Variants in PTPRD observed in about 807,000 individuals in gnomAD.
The protein encoded by PTPRD is receptor-type tyrosine-protein phosphatase delta.
PTPRD carries 34 observed loss-of-function variants against 214.5 expected under a neutral mutation model. The ratio of observed to expected loss-of-function variants is 0.16; its 90% CI spans 0.12 to 0.21. The LOEUF (loss-of-function observed/expected upper bound fraction) is 0.21. Ranked by LOEUF, PTPRD falls within the 10% of genes least tolerant of loss-of-function variation. The pLI, the probability that PTPRD is intolerant of heterozygous loss-of-function variation, is 1.00. For synonymous variants in PTPRD, 1,128 were observed against 845.7 expected (o/e 1.33, Z -5.79); for missense variants, 2,545 against 2,398.7 (o/e 1.06, Z -1.27).
chr9:8,435,603 T>G (rs995176288), intron 35 of PTPRD, among the ~76,000 whole-genome samples: 2 of 152,162 alleles, frequency 1.3e-5, no homozygotes, highest in African/African-American at 4.8e-5. Flanking sequence ...TTATCAACAA[T>G]GCATTAATTG....
At chr9:9,619,486 T>C (rs1339848662) in intron 7 of PTPRD, among the ~76,000 whole-genome samples, 1 of 147,542 alleles carries the variant, frequency 6.8e-6, no homozygotes, top group East Asian at 2.0e-4. Context: ...ATATTCTATA[T>C]AATCTATATA....
At chr9:8,857,498 CG>C (rs1354138193) in intron 11 of PTPRD, 2 of 152,316 alleles carry the variant, frequency 1.3e-5, no homozygotes, top group African/African-American at 4.8e-5. Context: ...CTCCGGTGCC[CG>C]GGCGCCGGGC....
intron 34 of PTPRD, among the ~76,000 whole-genome samples, chr9:8,446,010 CAG>C (rs1286524522): frequency 2.6e-5 from 4 of 152,162 alleles, no homozygotes; most frequent in African/African-American, 7.2e-5. Context: ...TCAGCAGTGT[CAG>C]AGAGTGACTT....
intron 7 of PTPRD, among the ~76,000 whole-genome samples, chr9:9,645,399 A>G (rs934292172): frequency 6.6e-5 from 10 of 151,636 alleles, no homozygotes; most frequent in East Asian, 1.9e-4. Flanking sequence ...GAAGACTAAT[A>G]TAAGTGTTGA....
chr9:8,763,918 C>A (rs138508477), intron 11 of PTPRD, among the ~76,000 whole-genome samples: 1 of 152,126 alleles, frequency 6.6e-6, no homozygotes, highest in Non-Finnish European at 1.5e-5. Flanking sequence ...AAATTCAAGA[C>A]AAGACTGAAC....
At position 10,406,207 on chromosome 9, in the gene PTPRD, T is replaced by C. The variant is rs1230676941; in HGVS notation, c.-599-65190A>G. Among the ~76,000 whole-genome samples the C allele has an allele frequency of 2.0e-5, 3 of 151,504 alleles. No homozygotes were observed. In the Admixed American group the frequency reaches 2.0e-4, roughly 10 times the overall value. The stretch of plus-strand genomic sequence containing the variant: ...AGAAATAAGGATGATATTTGTTATT[T>C]ATATATGATAGTTATAATTTCAGCA... On this transcript the variant is annotated intron_variant, in intron 2 of 45. Transcript: ENST00000381196.
In PTPRD at chr9:8,867,793, G is replaced by GAC. The variant is rs879402794; in HGVS notation, c.-103-133848_-103-133847insGT. Among the ~76,000 whole-genome samples the GAC allele has an allele frequency of 9.2e-3, 1,399 of 152,180 alleles. 25 individuals carry two copies. The highest frequency in any genetic ancestry group is 0.032 in the African/African-American group (1,321 of 41,512). On this transcript the variant is annotated intron_variant, in intron 11 of 45. Coordinates refer to ENST00000381196, the MANE Select transcript of PTPRD (RefSeq NM_002839.4). ...TTTTCTTTCTATGCTTCTGCCATAG[G>GAC]CCAACCTTGTAAAATCTTTATGGAA...
chr9:8,736,579 C>G (rs1436481273), intron 11 of PTPRD, among the ~76,000 whole-genome samples: 1 of 152,034 alleles, frequency 6.6e-6, no homozygotes, highest in African/African-American at 2.4e-5. Flanking sequence ...TCAGCTTAAG[C>G]ATGAGAACAA....
At chr9:9,579,736 T>C (rs2090150376) in intron 7 of PTPRD, among the ~76,000 whole-genome samples, 1 of 152,162 alleles carries the variant, frequency 6.6e-6, no homozygotes, top group Non-Finnish European at 1.5e-5. Context: ...GGGGTATAAG[T>C]ATAATTTGGT....
intron 9 of PTPRD, among the ~76,000 whole-genome samples, chr9:9,376,577 T>A (rs1468761351): frequency 6.6e-6 from 1 of 152,128 alleles, no homozygotes; most frequent in East Asian, 1.9e-4. Context: ...GAAATTGACA[T>A]TTAATAAAGT....
intron 10 of PTPRD, among the ~76,000 whole-genome samples, chr9:9,166,542 C>T (rs2099904410): frequency 6.6e-6 from 1 of 152,158 alleles, no homozygotes; most frequent in Non-Finnish European, 1.5e-5. Flanking sequence ...GCTTATGAAT[C>T]CATCATCCCT....
chr9:9,759,854 G>A (rs2098635852), intron 6 of PTPRD, among the ~76,000 whole-genome samples: 1 of 152,142 alleles, frequency 6.6e-6, no homozygotes, highest in Admixed American at 6.5e-5. Flanking sequence ...ACTGTGCCCG[G>A]CCAAGGTCTG....
intron 7 of PTPRD, among the ~76,000 whole-genome samples, chr9:9,732,304 A>G (rs187271370): frequency 3.3e-5 from 5 of 151,906 alleles, no homozygotes; most frequent in African/African-American, 2.4e-5. Context: ...CAAACTAGGG[A>G]AAAAAAACTC....
chr9:8,771,877 C>G (rs1009355053), intron 11 of PTPRD, among the ~76,000 whole-genome samples: 2 of 151,072 alleles, frequency 1.3e-5, no homozygotes, highest in Admixed American at 6.6e-5. Flanking sequence ...TATAAAAAAG[C>G]CCAACGCAGT....
chr9:9,341,875 C>G (rs2046940698), intron 9 of PTPRD, among the ~76,000 whole-genome samples: 1 of 152,102 alleles, frequency 6.6e-6, no homozygotes, highest in Non-Finnish European at 1.5e-5. Flanking sequence ...GTGTCGCAAT[C>G]TCGACTCACA....
At chr9:8,702,029 T>G (rs189003615) in intron 12 of PTPRD, among the ~76,000 whole-genome samples, 1 of 152,306 alleles carries the variant, frequency 6.6e-6, no homozygotes, top group African/African-American at 2.4e-5. Flanking sequence ...TAGAAGGCCT[T>G]GGCAGACCAC....
At chr9:10,296,103 C>A (rs1259849147) in intron 3 of PTPRD, among the ~76,000 whole-genome samples, 2 of 151,924 alleles carry the variant, frequency 1.3e-5, no homozygotes, top group Non-Finnish European at 2.9e-5. Flanking sequence ...CAAGATTATG[C>A]CCATAAAGAT....
chr9:9,402,253 G>A (rs551559292), intron 8 of PTPRD, among the ~76,000 whole-genome samples: 35 of 152,184 alleles, frequency 2.3e-4, no homozygotes, highest in African/African-American at 8.4e-4. Flanking sequence ...GAAAAAAGTG[G>A]AAATGGTTAA....
In PTPRD at chr9:9,312,228, G is replaced by C. The variant is rs150132111; in HGVS notation, c.-203+85221C>G. ...CCGTTTAAAAATTGCAGGAACTGAA[G>C]TTCAGAAAGATTAAATAATAGAGGT... On this transcript the variant is annotated intron_variant, in intron 9 of 45. Coordinates refer to ENST00000381196, the MANE Select transcript of PTPRD (RefSeq NM_002839.4). Among the ~76,000 whole-genome samples the C allele has an allele frequency of 8.2e-3, 1,245 of 152,254 alleles. 70 individuals are homozygous for C. The highest frequency in any genetic ancestry group is 0.075 in the Admixed American group (1,150 of 15,282).
Sources: allele counts gnomAD v4.1 joint callset (sites outside exome capture counted in the v4.1 genomes callset), GRCh38; gene constraint gnomAD v4.1.1; transcripts MANE v1.5; gene names NCBI Gene and HGNC (gene_info 2026-07-23, HGNC 2026-07-21).